PDZRN4: variants seen among roughly 807,000 people sequenced by gnomAD.
PDZRN4 encodes the protein PDZ domain containing ring finger 4.
In PDZRN4, 70 loss-of-function variants were observed where a neutral mutation model predicts 99.0. That is an observed-to-expected ratio of 0.71 (90% confidence interval 0.58 to 0.86). The LOEUF is 0.86. Ranked by LOEUF, PDZRN4 falls within the 40% of genes least tolerant of loss-of-function variation. The pLI is 0.00. For missense variants in PDZRN4, 1,474 were observed against 1,331.2 expected (o/e 1.11, Z -1.67); for synonymous variants, 551 against 501.6 (o/e 1.10, Z -1.32).
At chr12:41,507,340 T>C (rs1017907066) in intron 4 of PDZRN4, among the ~76,000 whole-genome samples, 1 of 152,184 alleles carries the variant, frequency 6.6e-6, no homozygotes, top group African/African-American at 2.4e-5. Context: ...AGAGAGATTT[T>C]ATTCAAATAA....
At chr12:41,471,289 A>G (rs1255573534) in intron 3 of PDZRN4, among the ~76,000 whole-genome samples, 1 of 152,166 alleles carries the variant, frequency 6.6e-6, no homozygotes, top group Non-Finnish European at 1.5e-5. Flanking sequence ...CTTTATGTTT[A>G]TTGGTTTATT....
At chr12:41,494,490 T>A (rs373363189) in intron 3 of PDZRN4, among the ~76,000 whole-genome samples, 1 of 152,140 alleles carries the variant, frequency 6.6e-6, no homozygotes, top group Non-Finnish European at 1.5e-5. Context: ...TATTTCAAGG[T>A]GCACTTAGAG....
At chr12:41,308,607 T>C (rs963689395) in intron 3 of PDZRN4, among the ~76,000 whole-genome samples, 31 of 152,158 alleles carry the variant, frequency 2.0e-4, no homozygotes, top group African/African-American at 7.5e-4. Flanking sequence ...GTCAACTTGA[T>C]TGTCTTTATA....
At chr12:41,218,267 T>C (rs565274190) in intron 3 of PDZRN4, among the ~76,000 whole-genome samples, 1 of 152,272 alleles carries the variant, frequency 6.6e-6, no homozygotes, top group African/African-American at 2.4e-5. Context: ...CTTCAGTTGA[T>C]ACCTTGTCCC....
intron 3 of PDZRN4, among the ~76,000 whole-genome samples, chr12:41,239,228 C>T (rs1951088160): frequency 6.6e-6 from 1 of 152,128 alleles, no homozygotes; most frequent in African/African-American, 2.4e-5. Flanking sequence ...AAACCAAACA[C>T]CACATGTTCT....
chr12:41,522,646 A>G (rs1938512502), intron 5 of PDZRN4, among the ~76,000 whole-genome samples: 1 of 152,138 alleles, frequency 6.6e-6, no homozygotes, highest in Non-Finnish European at 1.5e-5. Context: ...TGTCTGCCAA[A>G]AGAAAAGAAA....
At chr12:41,473,887 A>C (rs1953017014) in intron 3 of PDZRN4, among the ~76,000 whole-genome samples, 1 of 152,252 alleles carries the variant, frequency 6.6e-6, no homozygotes, top group African/African-American at 2.4e-5. Flanking sequence ...TGTAATTTTT[A>C]GGAAAGTCTT....
intron 3 of PDZRN4, among the ~76,000 whole-genome samples, chr12:41,239,664 A>T (rs1951090443): frequency 6.6e-6 from 1 of 152,220 alleles, no homozygotes; most frequent in South Asian, 2.1e-4. Context: ...AAGACACATC[A>T]AATAAGTCAT....
chr12:41,372,893 T>A (rs1447339443), intron 3 of PDZRN4, among the ~76,000 whole-genome samples: 1 of 152,110 alleles, frequency 6.6e-6, no homozygotes, highest in Non-Finnish European at 1.5e-5. Flanking sequence ...ACCACAGATA[T>A]CAGGCGAAAT....
At chr12:41,315,577 T>C (rs2120959981) in intron 3 of PDZRN4, among the ~76,000 whole-genome samples, 1 of 152,292 alleles carries the variant, frequency 6.6e-6, no homozygotes, top group Non-Finnish European at 1.5e-5. Context: ...ATAATTCTTG[T>C]GATTTTCTTT....
chr12:41,243,450 T>TCC (rs1258779828), intron 3 of PDZRN4, among the ~76,000 whole-genome samples: 2 of 152,186 alleles, frequency 1.3e-5, no homozygotes, highest in Non-Finnish European at 2.9e-5. Flanking sequence ...TGACCAGATT[T>TCC]CATGAGTTGT....
intron 5 of PDZRN4, among the ~76,000 whole-genome samples, chr12:41,533,846 A>C (rs1328742594): frequency 6.6e-6 from 1 of 152,108 alleles, no homozygotes; most frequent in Non-Finnish European, 1.5e-5. Flanking sequence ...ACATCATACT[A>C]TGCCTCTCTT....
chr12:41,432,960 T>G (rs1952597582), intron 3 of PDZRN4, among the ~76,000 whole-genome samples: 1 of 152,162 alleles, frequency 6.6e-6, no homozygotes. Flanking sequence ...TTTAAAACTT[T>G]CAGTGCCAAA....
rs915906515 is a variant in PDZRN4 at position 41,545,119 on chromosome 12, T to C, written c.1204-7537T>C. ...TCATCTTTCTAAACTACAAATATGA[T>C]AGTTTTATTTCTTTTATAATAGCCC... On this transcript the variant is annotated intron_variant, in intron 5 of 9. Transcript: ENST00000402685. 5.5e-4 allele frequency among the ~76,000 whole-genome samples: 83 copies of C among 152,200 alleles called. 3 individuals carry two copies.
At chr12:41,321,307 T>C (rs1281810969) in intron 3 of PDZRN4, among the ~76,000 whole-genome samples, 1 of 152,180 alleles carries the variant, frequency 6.6e-6, no homozygotes, top group South Asian at 2.1e-4. Flanking sequence ...ATGCCTTCAC[T>C]GAGTTAAGAT....
rs762781695 is a variant in PDZRN4, at chr12:41,573,049, A to C, written c.2270A>C (p.Asp757Ala). ...STPLTVDRSP[D>A]SSLPRVINLT... ...CCGCTCACTGTAGACCGTTCCCCTG[A>C]CAGTTCCCTTCCAAGGGTGATCAAC... The change falls in exon 10 of 10, where the codon GAC becomes GCC. Residue 757 changes from aspartate (D) to alanine (A), a missense_variant. Transcript: ENST00000402685. 7 of 1,614,020 alleles carry C rather than the reference A, an allele frequency of 4.3e-6. No homozygotes were observed. In the African/African-American group the frequency reaches 9.3e-5, roughly 22 times the overall value.
intron 5 of PDZRN4, among the ~76,000 whole-genome samples, chr12:41,533,248 C>T (rs1483171820): frequency 6.6e-6 from 1 of 151,400 alleles, no homozygotes; most frequent in Non-Finnish European, 1.5e-5. Flanking sequence ...GATCTTGGCT[C>T]ACTGCAACCT....
chr12:41,408,819 C>T (rs1246306207), intron 3 of PDZRN4, among the ~76,000 whole-genome samples: 1 of 151,822 alleles, frequency 6.6e-6, no homozygotes, highest in Admixed American at 6.6e-5. Flanking sequence ...CTCTTGCGCT[C>T]TCTCTCTCAC....
At chr12:41,418,943 G>T (rs1380795010) in intron 3 of PDZRN4, among the ~76,000 whole-genome samples, 1 of 152,154 alleles carries the variant, frequency 6.6e-6, no homozygotes, top group Non-Finnish European at 1.5e-5. Flanking sequence ...AATTTGATGG[G>T]ATGCCCTGCT....
Sources: allele counts gnomAD v4.1 joint callset (sites outside exome capture counted in the v4.1 genomes callset), GRCh38; gene constraint gnomAD v4.1.1; transcripts MANE v1.5; gene names NCBI Gene and HGNC (gene_info 2026-07-23, HGNC 2026-07-21).